Variants in MGST1 observed in about 807,000 individuals in gnomAD.
The protein encoded by MGST1 is microsomal glutathione S-transferase 1.
A neutral mutation model predicts 8.9 loss-of-function variants in MGST1; 5 were observed. That is an observed-to-expected ratio of 0.56 (90% confidence interval 0.29 to 1.19). The LOEUF is 1.19. MGST1 is among the 50% of genes most tolerant of loss of function. The probability of loss-of-function intolerance (pLI) is 0.08; values close to 1 mark genes in which losing one functional copy is unlikely to be tolerated. For missense variants in MGST1, 182 were observed against 187.4 expected (o/e 0.97, Z 0.17); for synonymous variants, 54 against 67.8 (o/e 0.80, Z 1.00).
intron 4 of MGST1, among the ~76,000 whole-genome samples, chr12:16,469,495 C>CA (rs1364642534): frequency 1.3e-5 from 2 of 152,088 alleles, no homozygotes. Flanking sequence ...GGCCATAATG[C>CA]TCTATCCTAT....
chr12:16,519,260 G>A lies in MGST1; in HGVS notation n.483-70268G>A, dbSNP rs559743195. Among the ~76,000 whole-genome samples, 3 of 152,286 alleles carry A rather than the reference G, an allele frequency of 2.0e-5. No individual in the cohort carries two copies. In the East Asian group the frequency reaches 5.8e-4, roughly 29 times the overall value. ...ACCTGGCATATCGTAGACAGTTATT[G>A]ACTTATAACTACCATTTTTATGAAG... On this transcript the variant is annotated intron_variant and non_coding_transcript_variant, in intron 4 of 4. Coordinates refer to the MGST1 transcript ENST00000538857.
chr12:16,588,665 C>T (rs1400486954), intron 4 of MGST1, among the ~76,000 whole-genome samples: 4 of 152,104 alleles, frequency 2.6e-5, no homozygotes, highest in African/African-American at 9.7e-5. Flanking sequence ...TTCCAATAAT[C>T]TCCAGTGTTG....
downstream of MGST1, among the ~76,000 whole-genome samples, chr12:16,377,844 G>A (rs1261199286): frequency 2.0e-5 from 3 of 150,686 alleles, no homozygotes; most frequent in Non-Finnish European, 3.0e-5. Context: ...CATTCTAACT[G>A]GTGTGAGATG....
intron 4 of MGST1, among the ~76,000 whole-genome samples, chr12:16,524,315 CTT>C (rs1197251837): frequency 1.3e-5 from 2 of 151,864 alleles, no homozygotes; most frequent in Admixed American, 6.6e-5. Context: ...TGGTTCAGAA[CTT>C]TTTTGTTAAC....
At chr12:16,399,150 A>G in intron 1 of MGST1, 1 of 986,746 alleles carries the variant, frequency 1.0e-6, no homozygotes, top group Admixed American at 2.3e-5. Context: ...ATGGCCCCCG[A>G]AACCCATAAA....
chr12:16,540,895 G>A (rs573041282), intron 4 of MGST1, among the ~76,000 whole-genome samples: 2 of 152,264 alleles, frequency 1.3e-5, no homozygotes, highest in African/African-American at 2.4e-5. Context: ...GAGTAACAGA[G>A]CAAGACTCTC....
chr12:16,395,263 T>G (rs1230882720), intron 1 of MGST1, among the ~76,000 whole-genome samples: 1 of 152,182 alleles, frequency 6.6e-6, no homozygotes, highest in Non-Finnish European at 1.5e-5. Context: ...TCCATTATTT[T>G]TCACTTAGTT....
intron 4 of MGST1, among the ~76,000 whole-genome samples, chr12:16,446,188 T>G (rs1941078418): frequency 6.6e-6 from 1 of 151,962 alleles, no homozygotes. Flanking sequence ...AGTGCCCATG[T>G]CCAAATGACC....
intron 4 of MGST1, among the ~76,000 whole-genome samples, chr12:16,470,148 G>A (rs747733909): frequency 5.3e-5 from 8 of 152,100 alleles, no homozygotes; most frequent in Non-Finnish European, 1.0e-4. Flanking sequence ...TTGCTATACT[G>A]TTGGTAGTAC....
chr12:16,474,397 A>C (rs1941307338), intron 4 of MGST1, among the ~76,000 whole-genome samples: 1 of 152,224 alleles, frequency 6.6e-6, no homozygotes, highest in African/African-American at 2.4e-5. Flanking sequence ...ACTTCTAAAA[A>C]ATTAGAGCAA....
At position 16,551,679 on chromosome 12, in the gene MGST1, GATA is replaced by G. The variant is rs576752787; in HGVS notation, n.483-37843_483-37841del. ...CACCCATTAAAATAAAAGAAAGAATGATAATAATGTTTCACTGCAGTAATTATG... is the reference window on the plus strand; with the variant it reads ...CACCCATTAAAATAAAAGAAAGAATGATAATGTTTCACTGCAGTAATTATG... On this transcript the variant is annotated intron_variant and non_coding_transcript_variant, in intron 4 of 4. Coordinates refer to the MGST1 transcript ENST00000538857. Among the ~76,000 whole-genome samples, 15 of 151,514 alleles carry G rather than the reference GATA, an allele frequency of 9.9e-5. No homozygotes were observed. In the East Asian group the frequency reaches 2.9e-3, roughly 29 times the overall value.
At chr12:16,426,097 A>C (rs769999011) in intron 1 of MGST1, among the ~76,000 whole-genome samples, 10 of 152,180 alleles carry the variant, frequency 6.6e-5, no homozygotes, top group Non-Finnish European at 1.5e-4. Flanking sequence ...GGCTTTCTAA[A>C]GGGATATCGG....
At chr12:16,387,445 A>G (rs1036830873) in intron 1 of MGST1, among the ~76,000 whole-genome samples, 10 of 152,098 alleles carry the variant, frequency 6.6e-5, no homozygotes, top group Non-Finnish European at 1.3e-4. Flanking sequence ...CTTCGCATTC[A>G]CTGCCCACTC....
At chr12:16,493,481 A>T (rs188277036) in intron 4 of MGST1, among the ~76,000 whole-genome samples, 6 of 152,274 alleles carry the variant, frequency 3.9e-5, no homozygotes, top group Admixed American at 3.3e-4. Flanking sequence ...AGTAATTCTG[A>T]TGCATTAAAG....
At chr12:16,501,225 T>C (rs1231254824) in intron 4 of MGST1, among the ~76,000 whole-genome samples, 1 of 152,174 alleles carries the variant, frequency 6.6e-6, no homozygotes, top group Non-Finnish European at 1.5e-5. Flanking sequence ...TTTATGTTAA[T>C]AGCAGCCGTT....
At chr12:16,572,724 T>C (rs1222160210) in intron 4 of MGST1, among the ~76,000 whole-genome samples, 1 of 148,504 alleles carries the variant, frequency 6.7e-6, no homozygotes, top group African/African-American at 2.4e-5. Flanking sequence ...AAATATATTA[T>C]AAACCATATA....
At position 16,357,678 on chromosome 12, in the gene MGST1, A is replaced by G. The variant is rs762233825; in HGVS notation, c.200A>G (p.Asp67Gly). ...GCCAAGAAGTATCTTCGAACAGATG[A>G]CAGAGTAGAACGTGTACGCAGGTAA... ...ENAKKYLRTDDRVERVRRAHL... is the reference protein window; with the variant it reads ...ENAKKYLRTDGRVERVRRAHL... Residue 67 changes from aspartate (D) to glycine (G), a missense_variant, in exon 3 of 4, where the codon GAC becomes GGC. Coordinates refer to ENST00000396210, the MANE Select transcript of MGST1 (RefSeq NM_020300.5). The G allele has an allele frequency of 6.2e-7, 1 of 1,613,864 alleles. No individual in the cohort carries two copies. Among genetic ancestry groups the G allele is most frequent in the South Asian group, 1.1e-5 (1 of 91,024 alleles).
downstream of MGST1, among the ~76,000 whole-genome samples, chr12:16,381,926 C>T (rs1940456871): frequency 6.6e-6 from 1 of 152,190 alleles, no homozygotes; most frequent in African/African-American, 2.4e-5. Context: ...CAGTTGATCG[C>T]ATCAGCTACT....
chr12:16,443,536 T>G (rs1246302812), downstream of MGST1, among the ~76,000 whole-genome samples: 2 of 151,976 alleles, frequency 1.3e-5, no homozygotes, highest in Non-Finnish European at 2.9e-5. Flanking sequence ...TGGTTACTCT[T>G]GAAATTCTTA....
Sources: allele counts gnomAD v4.1 joint callset (sites outside exome capture counted in the v4.1 genomes callset), GRCh38; gene constraint gnomAD v4.1.1; transcripts MANE v1.5; gene names NCBI Gene and HGNC (gene_info 2026-07-23, HGNC 2026-07-21).